Variants in VCF2 observed in about 807,000 individuals in gnomAD.
VCF2 encodes the protein protein VCF2.
the VCF2 span, among the ~76,000 whole-genome samples, chrX:55,146,963 C>G: frequency 1.8e-5 from 2 of 111,543 alleles, no homozygotes; most frequent in African/African-American, 6.5e-5. Flanking sequence ...ATTCATTGTT[C>G]TTCTATACTT....
chrX:55,149,879 T>C, the VCF2 span, among the ~76,000 whole-genome samples: 1 of 112,037 alleles, frequency 8.9e-6, no homozygotes. Flanking sequence ...GTCTCCTGTC[T>C]CAAAAAAATA....
chrX:55,145,448 C>T, the VCF2 span: 1 of 753,520 alleles, frequency 1.3e-6, no homozygotes, highest in Non-Finnish European at 1.6e-6. Context: ...CCTGGAAATA[C>T]AAAGTGTAGA....
chrX:55,150,042 A>G, the VCF2 span, among the ~76,000 whole-genome samples: 1 of 112,236 alleles, frequency 8.9e-6, no homozygotes, highest in Non-Finnish European at 1.9e-5. Context: ...GTCCTCATTA[A>G]TCTTTTAATA....
the VCF2 span, chrX:55,146,182 C>A: frequency 6.6e-6 from 8 of 1,210,974 alleles, no homozygotes; most frequent in South Asian, 1.4e-4. Context: ...GGTACATACC[C>A]CTCATGCAAG....
chrX:55,149,452 A>G, the VCF2 span, among the ~76,000 whole-genome samples: 2 of 111,471 alleles, frequency 1.8e-5, no homozygotes, highest in South Asian at 7.5e-4. Flanking sequence ...TTATCTTCAG[A>G]CCCAGTAGAA....
At chrX:55,154,446 T>A in the VCF2 span, among the ~76,000 whole-genome samples, 1 of 112,537 alleles carries the variant, frequency 8.9e-6, no homozygotes, top group Non-Finnish European at 1.9e-5. Flanking sequence ...ATGCTTGATA[T>A]CTGTGCAAGG....
chrX:55,161,096 G>A, the VCF2 span: 22 of 1,205,138 alleles, frequency 1.8e-5, no homozygotes, highest in Non-Finnish European at 7.8e-6. Flanking sequence ...GGGGACCAGA[G>A]CTCGGACTGG....
At chrX:55,160,683 A>C in the VCF2 span, 1 of 528,258 alleles carries the variant, frequency 1.9e-6, no homozygotes, top group Non-Finnish European at 3.1e-6. Flanking sequence ...AACCCCAGTA[A>C]CACGTGGAGA....
the VCF2 span, among the ~76,000 whole-genome samples, chrX:55,154,077 C>G: frequency 8.9e-6 from 1 of 112,071 alleles, no homozygotes; most frequent in Non-Finnish European, 1.9e-5. Context: ...GGTTTTGACA[C>G]TTGAAACTGC....
At chrX:55,157,390 G>A in the VCF2 span, among the ~76,000 whole-genome samples, 2 of 111,374 alleles carry the variant, frequency 1.8e-5, no homozygotes, top group African/African-American at 3.3e-5. Context: ...AAAACTAGCC[G>A]GCCATGGTGG....
the VCF2 span, chrX:55,143,755 C>T: frequency 1.8e-6 from 2 of 1,089,541 alleles, no homozygotes; most frequent in Non-Finnish European, 2.5e-6. Flanking sequence ...AAATACTTCT[C>T]CTTCATAGCG....
chrX:55,151,042 T>G, the VCF2 span, among the ~76,000 whole-genome samples: 1 of 112,624 alleles, frequency 8.9e-6, no homozygotes, highest in Non-Finnish European at 1.9e-5. Context: ...CTTTTAATAT[T>G]GGGTTAACTA....
At chrX:55,146,785 C>T in the VCF2 span, among the ~76,000 whole-genome samples, 2 of 112,381 alleles carry the variant, frequency 1.8e-5, no homozygotes, top group African/African-American at 3.2e-5. Context: ...TTTATACATA[C>T]GTGCATACAC....
the VCF2 span, among the ~76,000 whole-genome samples, chrX:55,157,833 T>A: frequency 8.9e-6 from 1 of 111,950 alleles, no homozygotes; most frequent in African/African-American, 3.2e-5. Context: ...ACTCTTAATT[T>A]CTTGTACTAC....
At chrX:55,151,144 A>G in the VCF2 span, among the ~76,000 whole-genome samples, 2 of 112,526 alleles carry the variant, frequency 1.8e-5, no homozygotes, top group African/African-American at 6.5e-5. Flanking sequence ...ATGGTAGTAT[A>G]GTTATTTGCA....
At chrX:55,161,100 G>T in the VCF2 span, 1 of 1,207,268 alleles carries the variant, frequency 8.3e-7, no homozygotes, top group South Asian at 1.8e-5. Context: ...ACCAGAGCTC[G>T]GACTGGTACC....
the VCF2 span, chrX:55,160,948 G>A: frequency 6.9e-6 from 8 of 1,162,814 alleles, no homozygotes; most frequent in South Asian, 1.5e-4. Context: ...AGGCAAGCAG[G>A]GCCGCGCCAC....
the VCF2 span, among the ~76,000 whole-genome samples, chrX:55,150,372 C>T: frequency 9.0e-6 from 1 of 111,309 alleles, no homozygotes; most frequent in African/African-American, 3.3e-5. Flanking sequence ...TCATAAGGAA[C>T]ACACAGCCTA....
chrX:55,149,489 A>T, the VCF2 span, among the ~76,000 whole-genome samples: 2 of 111,555 alleles, frequency 1.8e-5, no homozygotes, highest in Non-Finnish European at 3.8e-5. Flanking sequence ...CACTGTGTTC[A>T]TAAGGCACAA....
Sources: gnomAD v4.1 joint callset for allele counts (sites outside exome capture counted in the v4.1 genomes callset) on GRCh38, gnomAD v4.1.1 for gene constraint, MANE v1.5 for transcripts, NCBI Gene and HGNC (gene_info 2026-07-23, HGNC 2026-07-21) for gene names.